The following PARVB variants were observed in gnomAD, a reference collection of about 807,000 sequenced individuals.
PARVB encodes beta-parvin.
In PARVB, 46 loss-of-function variants were observed where a neutral mutation model predicts 47.0. The observed-to-expected ratio is 0.98, with a 90% CI of 0.77 to 1.25. PARVB has a LOEUF of 1.25. PARVB is among the 50% of genes most tolerant of loss of function. The pLI, the probability that PARVB is intolerant of heterozygous loss-of-function variation, is 0.00. For synonymous variants in PARVB, 196 were observed against 196.3 expected (o/e 1.00, Z 0.01); for missense variants, 473 against 471.6 (o/e 1.00, Z -0.03).
intron 1 of PARVB, among the ~76,000 whole-genome samples, chr22:44,080,854 CAG>C (rs2051884252): frequency 6.6e-6 from 1 of 152,230 alleles, no homozygotes; most frequent in African/African-American, 2.4e-5. Flanking sequence ...GCAGGGGAGA[CAG>C]AGCAGGCCAT....
At chr22:44,050,359 T>TA (rs1368370480) in intron 1 of PARVB, among the ~76,000 whole-genome samples, 1 of 151,988 alleles carries the variant, frequency 6.6e-6, no homozygotes, top group Non-Finnish European at 1.5e-5. Flanking sequence ...TTTTTTTTTT[T>TA]TAAGACTGAG....
intron 10 of PARVB, among the ~76,000 whole-genome samples, chr22:44,154,263 G>A (rs1474779925): frequency 6.6e-6 from 1 of 152,078 alleles, no homozygotes; most frequent in Non-Finnish European, 1.5e-5. Flanking sequence ...TTAACCACTG[G>A]TCCCCCAGAA....
intron 2 of PARVB, among the ~76,000 whole-genome samples, chr22:44,095,731 C>T (rs574027189): frequency 1.3e-5 from 2 of 152,284 alleles, no homozygotes; most frequent in East Asian, 1.9e-4. Flanking sequence ...GAACATTCTG[C>T]GTATTTCCAA....
intron 1 of PARVB, among the ~76,000 whole-genome samples, chr22:44,055,923 A>G (rs1225352511): frequency 2.0e-5 from 3 of 152,108 alleles, no homozygotes. Flanking sequence ...TACCCAGTCT[A>G]CCGATTCGAA....
At chr22:44,147,743 A>C in intron 8 of PARVB, 118 bp from the exon 9 acceptor site, 1 of 815,088 alleles carries the variant, frequency 1.2e-6, no homozygotes, top group South Asian at 1.3e-5. Context: ...GATTCTAGGC[A>C]GGTGTGGGAG....
chr22:44,020,425 C>T (rs2050634214), upstream of PARVB, among the ~76,000 whole-genome samples: 1 of 152,180 alleles, frequency 6.6e-6, no homozygotes, highest in Non-Finnish European at 1.5e-5. Context: ...TCTCTGGCCT[C>T]AGTCTCCCAT....
chr22:44,151,509 C>G lies in PARVB; in HGVS notation c.801C>G (p.His267Gln), dbSNP rs770142842. ...KKSLITFVNK[H>Q]LNKLNLEVTE... is the part of the protein sequence containing the mutation. The stretch of plus-strand genomic sequence containing the variant: ...CTCTCATCACTTTTGTGAACAAGCA[C>G]CTGAACAAGCTGAATTTGGAGGTGA... Residue 267 changes from histidine to glutamine, a missense_variant, in exon 10 of 13, where the codon CAC (histidine) becomes CAG (glutamine). His to Gln is a conservative substitution (Grantham distance 24). Transcript: ENST00000338758. 1.9e-6 allele frequency: 3 copies of G among 1,613,864 alleles called. No individual in the cohort carries two copies. Among genetic ancestry groups the G allele is most frequent in the Non-Finnish European group, 2.5e-6 (3 of 1,179,866 alleles).
At chr22:44,154,056 G>T (rs546739673) in intron 10 of PARVB, among the ~76,000 whole-genome samples, 1 of 152,192 alleles carries the variant, frequency 6.6e-6, no homozygotes, top group Non-Finnish European at 1.5e-5. Flanking sequence ...GTCATGGGGC[G>T]TGTGAGGGGC....
intron 6 of PARVB, among the ~76,000 whole-genome samples, chr22:44,133,563 G>A (rs2053377187): frequency 6.6e-6 from 1 of 152,148 alleles, no homozygotes; most frequent in African/African-American, 2.4e-5. Context: ...TTTTGTGAAA[G>A]GGTTTCACTC....
chr22:44,130,667 T>C (rs1009865243), intron 4 of PARVB, among the ~76,000 whole-genome samples: 1 of 152,194 alleles, frequency 6.6e-6, no homozygotes, highest in Non-Finnish European at 1.5e-5. Flanking sequence ...TAAGACCTTT[T>C]TTAAAATTAT....
At chr22:44,086,846 T>C in intron 1 of PARVB, 1 of 985,048 alleles carries the variant, frequency 1.0e-6, no homozygotes, top group South Asian at 4.7e-5. Flanking sequence ...GGAAAATTCA[T>C]AGAAAGCTGT....
chr22:44,052,401 C>T (rs192368769), intron 1 of PARVB, among the ~76,000 whole-genome samples: 9 of 152,322 alleles, frequency 5.9e-5, no homozygotes, highest in East Asian at 1.9e-4. Flanking sequence ...CTGGGAATGC[C>T]GAACCTACCT....
intron 2 of PARVB, among the ~76,000 whole-genome samples, chr22:44,016,332 G>A (rs573289279): frequency 1.3e-4 from 20 of 151,998 alleles, no homozygotes; most frequent in African/African-American, 2.9e-4. Flanking sequence ...TCCTGACTTC[G>A]TGATCCGCCC....
chr22:44,117,912 T>G (rs1478036820), intron 3 of PARVB, among the ~76,000 whole-genome samples: 1 of 152,194 alleles, frequency 6.6e-6, no homozygotes, highest in Non-Finnish European at 1.5e-5. Flanking sequence ...AATAGACATG[T>G]CAGAAGCAGG....
chr22:44,163,765 C>T (rs139079), intron 11 of PARVB, 93 bp from the exon 12 acceptor site: 416,888 of 1,081,670 alleles, frequency 0.39, 82,229 homozygotes, highest in South Asian at 0.49. Flanking sequence ...TGCAGAGGCT[C>T]GGTCCTGTCC....
chr22:44,035,456 C>T lies in PARVB; in HGVS notation c.112+11005C>T, dbSNP rs993197437. Among the ~76,000 whole-genome samples, 88 of 151,242 alleles carry T rather than the reference C, an allele frequency of 5.8e-4. 1 individual carries two copies. The highest frequency in any genetic ancestry group is 3.9e-4 in the East Asian group (2 of 5,122). ...TGCGATCTCGGCTCACTGCAGCCTC[C>T]GCCTCCTGGGTTCAAGCGATTCTCC... On this transcript the variant is annotated intron_variant, in intron 1 of 12. Coordinates refer to ENST00000338758, the MANE Select transcript of PARVB (RefSeq NM_013327.5).
Position 44,093,989 on chromosome 22 carries a change from G to A in PARVB, c.174G>A (p.Val58=), listed in dbSNP as rs770617550. 2.0e-5 allele frequency: 32 copies of A among 1,611,982 alleles called. No individual in the cohort carries two copies. The East Asian group carries it at 2.0e-4, about 10-fold the overall frequency. Residue 58 remains valine, a synonymous_variant, in exon 2 of 13, where the codon GTG becomes GTA. Coordinates refer to ENST00000338758, the MANE Select transcript of PARVB (RefSeq NM_013327.5). ...AINSPMSPAL[V]DVHPEDTQLE... ...ACTCACCGATGTCCCCCGCCCTGGT[G>A]GATGTTCACCCTGAAGACACCCAGC...
chr22:44,050,881 G>T (rs542435866), intron 1 of PARVB, among the ~76,000 whole-genome samples: 3 of 152,220 alleles, frequency 2.0e-5, no homozygotes, highest in African/African-American at 7.2e-5. Flanking sequence ...CACACAGCCC[G>T]TCACCAGGAG....
chr22:44,152,744 A>G (rs1017400787), intron 10 of PARVB: 1 of 152,188 alleles, frequency 6.6e-6, no homozygotes, highest in Non-Finnish European at 1.5e-5. Flanking sequence ...TAAAGACAAA[A>G]TATGATTTTC....
Sources: gnomAD v4.1 joint callset for allele counts (sites outside exome capture counted in the v4.1 genomes callset) on GRCh38, gnomAD v4.1.1 for gene constraint, MANE v1.5 for transcripts, NCBI Gene and HGNC (gene_info 2026-07-23, HGNC 2026-07-21) for gene names.